Variants in PRSS23 observed in about 807,000 individuals in gnomAD.
PRSS23 encodes protease, serine 23.
PRSS23 carries 25 observed loss-of-function variants against 34.7 expected under a neutral mutation model. The ratio of observed to expected loss-of-function variants is 0.72; its 90% CI spans 0.53 to 1.01. PRSS23 has a LOEUF of 1.01. PRSS23 is among the 50% of genes least tolerant of loss of function. The pLI, the probability that PRSS23 is intolerant of heterozygous loss-of-function variation, is 0.00. For synonymous variants in PRSS23, 176 were observed against 186.6 expected, an observed-to-expected ratio of 0.94 and a Z score of 0.46; for missense variants, 445 against 475.6, an observed-to-expected ratio of 0.94 and a Z score of 0.60.
intron 2 of PRSS23, among the ~76,000 whole-genome samples, chr11:86,929,953 T>A (rs1949112410): frequency 6.6e-6 from 1 of 152,136 alleles, no homozygotes; most frequent in African/African-American, 2.4e-5. Context: ...AGTGTGCATA[T>A]GTGTAAAAAG....
At chr11:86,940,301 G>A (rs1949198564) in intron 2 of PRSS23, among the ~76,000 whole-genome samples, 1 of 152,170 alleles carries the variant, frequency 6.6e-6, no homozygotes, top group Non-Finnish European at 1.5e-5. Context: ...ACGTAGGGGT[G>A]TGCTGTATCG....
chr11:86,803,185 A>G (rs751895435), intron 1 of PRSS23, among the ~76,000 whole-genome samples: 5 of 152,222 alleles, frequency 3.3e-5, no homozygotes, highest in African/African-American at 4.8e-5. Flanking sequence ...ATGAAACGTT[A>G]TAGACCTAAA....
intron 2 of PRSS23, among the ~76,000 whole-genome samples, chr11:86,861,688 A>AG (rs1187091676): frequency 2.0e-5 from 3 of 150,326 alleles, no homozygotes; most frequent in Non-Finnish European, 3.0e-5. Context: ...ATTCTACCCA[A>AG]GGGGGGTAGA....
At chr11:86,845,487 C>G (rs1337030292) in intron 2 of PRSS23, among the ~76,000 whole-genome samples, 2 of 152,166 alleles carry the variant, frequency 1.3e-5, no homozygotes, top group Non-Finnish European at 2.9e-5. Flanking sequence ...AATCACTGCT[C>G]ACTTCTGTTG....
In PRSS23 at chr11:86,922,515, ATGTCCT is replaced by A. The variant is rs1474904275; in HGVS notation, c.207-28700_207-28695del. ...AAATAAAAATAAAATGGGCAAAATA[ATGTCCT>A]CACACCATCACTATGAAGATTAAAT... On this transcript the variant is annotated intron_variant, in intron 2 of 2. Transcript: ENST00000533902. Among the ~76,000 whole-genome samples, 5 of 152,234 alleles carry A rather than the reference ATGTCCT, an allele frequency of 3.3e-5. No individual in the cohort carries two copies. The East Asian group carries it at 9.7e-4, about 29-fold the overall frequency.
chr11:86,812,070 T>G (rs1313805748), downstream of PRSS23, among the ~76,000 whole-genome samples: 3 of 152,232 alleles, frequency 2.0e-5, no homozygotes, highest in Non-Finnish European at 4.4e-5. Flanking sequence ...AGCCATTTCA[T>G]TTATCATTCA....
chr11:86,821,754 A>G (rs909315745), intron 1 of PRSS23: 11 of 1,290,216 alleles, frequency 8.5e-6, no homozygotes, highest in African/African-American at 1.5e-5. Flanking sequence ...CGTCAGGCCA[A>G]TTATAAAAAT....
intron 2 of PRSS23, among the ~76,000 whole-genome samples, chr11:86,901,549 G>A (rs1948912283): frequency 6.6e-6 from 1 of 152,112 alleles, no homozygotes. Context: ...AAGAAGGGAG[G>A]TCACTGGTCT....
intron 2 of PRSS23, chr11:86,909,543 G>A (rs1242337971): frequency 6.6e-6 from 1 of 152,208 alleles, no homozygotes; most frequent in Non-Finnish European, 1.5e-5. Flanking sequence ...AAGCAACAAA[G>A]CTAAATTCAA....
chr11:86,917,892 G>C (rs1313311090), intron 2 of PRSS23, among the ~76,000 whole-genome samples: 2 of 152,198 alleles, frequency 1.3e-5, no homozygotes, highest in African/African-American at 2.4e-5. Flanking sequence ...ATTAATAGAT[G>C]CGAAGACCTA....
intron 2 of PRSS23, among the ~76,000 whole-genome samples, chr11:86,872,945 C>G (rs901579881): frequency 6.6e-6 from 1 of 151,998 alleles, no homozygotes; most frequent in African/African-American, 2.4e-5. Context: ...AAGACTCTAC[C>G]ACAGAGCATC....
chr11:86,900,314 G>A (rs1286990030), intron 2 of PRSS23, among the ~76,000 whole-genome samples: 1 of 152,216 alleles, frequency 6.6e-6, no homozygotes, highest in African/African-American at 2.4e-5. Flanking sequence ...AGGGAGGCAG[G>A]AGGAGGAAGC....
At chr11:86,818,094 G>A (rs914996805) in intron 1 of PRSS23, among the ~76,000 whole-genome samples, 2 of 152,196 alleles carry the variant, frequency 1.3e-5, no homozygotes, top group Non-Finnish European at 2.9e-5. Flanking sequence ...TCGTTGATTT[G>A]ATCCTTGTTA....
At chr11:86,840,009 A>G (rs756248565) in intron 2 of PRSS23, among the ~76,000 whole-genome samples, 8 of 152,058 alleles carry the variant, frequency 5.3e-5, no homozygotes, top group Non-Finnish European at 7.4e-5. Context: ...GCCAAATTGT[A>G]AAGACATCGA....
intron 2 of PRSS23, among the ~76,000 whole-genome samples, chr11:86,904,884 CAA>C (rs1276296909): frequency 2.9e-4 from 37 of 128,438 alleles, no homozygotes; most frequent in Non-Finnish European, 3.9e-4. Context: ...CCATTTCCAC[CAA>C]AAAAAAAAAA....
chr11:86,830,852 T>C (rs1386082799), intron 2 of PRSS23, among the ~76,000 whole-genome samples: 1 of 152,118 alleles, frequency 6.6e-6, no homozygotes, highest in African/African-American at 2.4e-5. Context: ...AGGGAGATGT[T>C]CCTCCTAATG....
At chr11:86,938,990 A>G (rs1190833853) in intron 2 of PRSS23, 3 of 437,068 alleles carry the variant, frequency 6.9e-6, no homozygotes, top group Non-Finnish European at 1.4e-5. Context: ...GAAATTTCTC[A>G]CTTGATGTAT....
chr11:86,837,177 A>C (rs1034335113), intron 2 of PRSS23: 1 of 152,240 alleles, frequency 6.6e-6, no homozygotes, highest in Admixed American at 6.5e-5. Context: ...CTTTAAGAAA[A>C]AGTTTATCCT....
At chr11:86,911,460 C>A (rs1344168619) in intron 2 of PRSS23, 1 of 152,210 alleles carries the variant, frequency 6.6e-6, no homozygotes, top group Non-Finnish European at 1.5e-5. Flanking sequence ...AGTTTTTCAA[C>A]CCTGGCCTCC....
Sources: gnomAD v4.1 joint callset for allele counts (sites outside exome capture counted in the v4.1 genomes callset) on GRCh38, gnomAD v4.1.1 for gene constraint, MANE v1.5 for transcripts, NCBI Gene and HGNC (gene_info 2026-07-23, HGNC 2026-07-21) for gene names.